The following PTPRA variants were observed in gnomAD, a reference collection of about 807,000 sequenced individuals.
PTPRA encodes receptor-type tyrosine-protein phosphatase alpha.
Under a neutral mutation model 104.8 loss-of-function variants are expected in PTPRA, and 25 were observed. The ratio of observed to expected loss-of-function variants is 0.24; its 90% CI spans 0.17 to 0.33. PTPRA has a LOEUF of 0.33. Ranked by LOEUF, PTPRA falls within the 10% of genes least tolerant of loss-of-function variation. The pLI is 1.00. For missense variants in PTPRA, 765 were observed against 1,015.3 expected, an observed-to-expected ratio of 0.75 and a Z score of 3.35; for synonymous variants, 323 against 368.9, an observed-to-expected ratio of 0.88 and a Z score of 1.43.
chr20:3,019,583 T>C (rs2064735885), intron 13 of PTPRA, among the ~76,000 whole-genome samples: 1 of 142,282 alleles, frequency 7.0e-6, no homozygotes, highest in Non-Finnish European at 1.5e-5. Flanking sequence ...TCTCCTCACT[T>C]TCCAGACTGG....
chr20:2,943,813 A>G (rs1258191519), intron 2 of PTPRA, among the ~76,000 whole-genome samples: 2 of 152,196 alleles, frequency 1.3e-5, no homozygotes, highest in Admixed American at 6.5e-5. Flanking sequence ...TCTTCTTGAT[A>G]TCCTGCAACT....
intron 1 of PTPRA, among the ~76,000 whole-genome samples, chr20:2,913,059 C>T (rs996623407): frequency 2.6e-5 from 4 of 151,864 alleles, no homozygotes; most frequent in African/African-American, 4.8e-5. Context: ...CCCCATCAGC[C>T]CCAAATACTT....
chr20:2,868,310 C>CTTTTTTTTT, the PTPRA span, among the ~76,000 whole-genome samples: 6 of 104,156 alleles, frequency 5.8e-5, no homozygotes, highest in East Asian at 5.4e-4. Context: ...GACTCCACCT[C>CTTTTTTTTT]TTTTTTTTTT....
chr20:3,027,890 G>C (rs1238766671), intron 20 of PTPRA, 49 bp downstream of exon 20: 1 of 1,606,324 alleles, frequency 6.2e-7, no homozygotes, highest in East Asian at 2.2e-5. Flanking sequence ...AGCATGAAAA[G>C]ATGTGTGTGT....
At chr20:3,001,891 T>C (rs994019002) in intron 9 of PTPRA, among the ~76,000 whole-genome samples, 1 of 152,210 alleles carries the variant, frequency 6.6e-6, no homozygotes, top group African/African-American at 2.4e-5. Flanking sequence ...ACTGTCATGC[T>C]GGTTTCCAGT....
intron 2 of PTPRA, among the ~76,000 whole-genome samples, chr20:2,946,861 A>C (rs1182364179): frequency 2.0e-5 from 3 of 151,096 alleles, no homozygotes; most frequent in African/African-American, 7.4e-5. Flanking sequence ...AAAAAAAAAA[A>C]TAATAATAAT....
intron 1 of PTPRA, among the ~76,000 whole-genome samples, chr20:2,884,016 C>G (rs1027240591): frequency 6.6e-6 from 1 of 152,144 alleles, no homozygotes; most frequent in Non-Finnish European, 1.5e-5. Flanking sequence ...TAGCTGGCTT[C>G]TTTTACTTAG....
At chr20:2,890,546 C>T (rs1328528647) in intron 1 of PTPRA, among the ~76,000 whole-genome samples, 1 of 152,070 alleles carries the variant, frequency 6.6e-6, no homozygotes, top group Non-Finnish European at 1.5e-5. Context: ...CTCTGTCTTC[C>T]CTCCCTAGTA....
rs898602128 is a variant in PTPRA at position 2,873,585 on chromosome 20, T to C, written c.-304T>C. ...GCCGCCATCACTGTCGCCCGCCCAG[T>C]CGCCCCTCAGCCGCTTCCCCTCGCC... On this transcript the variant is annotated 5_prime_UTR_variant, in exon 1 of 24. Coordinates refer to ENST00000399903, the MANE Select transcript of PTPRA (RefSeq NM_001385305.1). This position sits in a 1 kb window ranked among gnomAD's most constrained non-coding sequence, Gnocchi z 4.4. 96 of 150,772 alleles carry C rather than the reference T, an allele frequency of 6.4e-4. No homozygotes were observed. Among genetic ancestry groups the C allele is most frequent in the African/African-American group, 2.2e-3 (92 of 41,236 alleles). 9.3% of individuals were successfully genotyped at this position (150,772 alleles called of 1,614,324 possible). A position where few individuals can be genotyped will look rare whatever the true frequency, so the allele number is the denominator to read the frequency against.
rs1409493840 is a variant in PTPRA, at chr20:2,998,476, AG to A, written c.739-6577del. On this transcript the variant is annotated intron_variant, in intron 9 of 23. Transcript: ENST00000399903. The stretch of plus-strand genomic sequence containing the variant: ...GTGGGAATTAGCAGGAACTGTGACA[AG>A]GGCTTTGGAATTCCACTGTCCAGAG... 2.0e-5 allele frequency among the ~76,000 whole-genome samples: 3 copies of A among 152,204 alleles called. No individual in the cohort carries two copies. The East Asian group carries it at 5.8e-4, about 29-fold the overall frequency.
At position 3,027,126 on chromosome 20, in the gene PTPRA, T is replaced by C; in HGVS notation, c.1714T>C (p.Phe572Leu). 1 of 1,614,064 alleles carries C rather than the reference T, an allele frequency of 6.2e-7. No individual in the cohort carries two copies. The highest frequency in any genetic ancestry group is 8.5e-7 in the Non-Finnish European group (1 of 1,179,902). The part of the protein sequence containing the change: ...NRVLQIIPYE[F>L]NRVIIPVKRG... Reference sequence around the variant, plus strand: ...AGCCGCTATTCTTCTTACAGATGAATTCAACAGAGTGATCATTCCAGTTAA... The same window carrying C: ...AGCCGCTATTCTTCTTACAGATGAACTCAACAGAGTGATCATTCCAGTTAA... Residue 572 changes from phenylalanine (F) to leucine (L), a missense_variant, in exon 19 of 24, where the codon TTC becomes CTC. Physicochemically the swap from Phe to Leu is conservative, Grantham distance 22. Transcript: ENST00000399903.
intron 1 of PTPRA, among the ~76,000 whole-genome samples, chr20:2,879,572 C>T (rs972103078): frequency 2.2e-4 from 34 of 152,096 alleles, no homozygotes; most frequent in Non-Finnish European, 4.6e-4. Context: ...ATGCCCCACC[C>T]GCAGCCATTT....
chr20:3,023,384 T>C (rs565048804), intron 16 of PTPRA, among the ~76,000 whole-genome samples: 1 of 152,236 alleles, frequency 6.6e-6, no homozygotes, highest in African/African-American at 2.4e-5. Flanking sequence ...GGAGTTAAGA[T>C]AAGAGGAAGG....
chr20:2,956,318 T>TC (rs1242272300), intron 3 of PTPRA, among the ~76,000 whole-genome samples: 3 of 152,196 alleles, frequency 2.0e-5, no homozygotes, highest in African/African-American at 7.2e-5. Context: ...AGTTAAAACT[T>TC]TCACTGTAAT....
chr20:2,952,103 A>G (rs2061373377), intron 3 of PTPRA, among the ~76,000 whole-genome samples: 1 of 151,406 alleles, frequency 6.6e-6, no homozygotes, highest in African/African-American at 2.4e-5. Flanking sequence ...CTGGTGACAG[A>G]GCGAGACTCC....
At chr20:2,939,520 T>G (rs1208396378) in intron 2 of PTPRA, among the ~76,000 whole-genome samples, 1 of 152,212 alleles carries the variant, frequency 6.6e-6, no homozygotes, top group East Asian at 1.9e-4. Context: ...TTAGTTTGCC[T>G]GGTCAAAATG....
chr20:2,976,545 A>G (rs770551146), intron 6 of PTPRA, among the ~76,000 whole-genome samples: 2 of 152,210 alleles, frequency 1.3e-5, no homozygotes, highest in Non-Finnish European at 2.9e-5. Context: ...ATTGTGACAT[A>G]TGTAAAGTCT....
chr20:3,036,848 C>T (rs1353404834), intron 22 of PTPRA, among the ~76,000 whole-genome samples: 1 of 152,230 alleles, frequency 6.6e-6, no homozygotes, highest in Non-Finnish European at 1.5e-5. Context: ...ACTGAGCGAA[C>T]AGCAGGTCAG....
rs531805374 is a variant in PTPRA, at chr20:3,022,380, G to T, written c.1328+160G>T. 6.6e-6 allele frequency among the ~76,000 whole-genome samples: 1 copy of T among 152,212 alleles called. No individual in the cohort carries two copies. The highest frequency in any genetic ancestry group is 1.5e-5 in the Non-Finnish European group (1 of 68,034). On this transcript the variant is annotated intron_variant, in intron 15 of 23. Coordinates refer to ENST00000399903, the MANE Select transcript of PTPRA (RefSeq NM_001385305.1). This position sits in a 1 kb window ranked among gnomAD's most constrained non-coding sequence, Gnocchi z 4.6. ...CAGAGACTCCAAGTTCTAGTGCAGG[G>T]TGGAGAATATGACTTGAGGAAGGAG...
Sources: gnomAD v4.1 joint callset for allele counts (sites outside exome capture counted in the v4.1 genomes callset) on GRCh38, gnomAD v4.1.1 for gene constraint, Gnocchi (gnomAD v3.1) non-coding constraint, MANE v1.5 for transcripts, NCBI Gene and HGNC (gene_info 2026-07-23, HGNC 2026-07-21) for gene names.